SEPTIN11: variants seen among roughly 807,000 people sequenced by gnomAD.
The protein encoded by SEPTIN11 is septin 11, also known as septin-11.
A neutral mutation model predicts 51.4 loss-of-function variants in SEPTIN11; 25 were observed. The ratio of observed to expected loss-of-function variants is 0.49; its 90% CI spans 0.35 to 0.68. The LOEUF (loss-of-function observed/expected upper bound fraction) is 0.68, where lower values mean the gene tolerates loss of function less well. SEPTIN11 is among the 30% of genes least tolerant of loss of function. The pLI is 0.00. For missense variants in SEPTIN11, 381 were observed against 520.8 expected (o/e 0.73, Z 2.61); for synonymous variants, 174 against 184.1 (o/e 0.95, Z 0.44).
intron 9 of SEPTIN11, among the ~76,000 whole-genome samples, chr4:77,033,176 C>A (rs1726788766): frequency 1.3e-5 from 2 of 151,926 alleles, no homozygotes; most frequent in African/African-American, 4.8e-5. Context: ...AAAAATCACA[C>A]CTCTTACTGC....
At chr4:77,038,936 G>A (rs1727217712), downstream of SEPTIN11, 9 of 525,030 alleles carry the variant, frequency 1.7e-5, no homozygotes, top group Admixed American at 8.0e-5. Flanking sequence ...TCACCCTCCC[G>A]TCGAGCTCGA....
chr4:76,970,428 G>A (rs781454274), intron 1 of SEPTIN11, among the ~76,000 whole-genome samples: 1 of 152,282 alleles, frequency 6.6e-6, no homozygotes, highest in South Asian at 2.1e-4. Context: ...TATGTAGAGC[G>A]ACTTAGTCAG....
chr4:77,009,330 T>G (rs1724701432), intron 3 of SEPTIN11, among the ~76,000 whole-genome samples: 1 of 152,112 alleles, frequency 6.6e-6, no homozygotes, highest in Non-Finnish European at 1.5e-5. Context: ...TTGGACATAT[T>G]TAGTTGGAGA....
chr4:76,958,390 C>G lies in SEPTIN11; in HGVS notation c.27+8460C>G, dbSNP rs144351127. Among the ~76,000 whole-genome samples, 181 of 152,326 alleles carry G rather than the reference C, an allele frequency of 1.2e-3. 2 individuals are homozygous for G. In the East Asian group the frequency reaches 0.029, roughly 25 times the overall value. On this transcript the variant is annotated intron_variant, in intron 1 of 9. Transcript: ENST00000264893. ...CCCTCTGGGCCCCAGCCTCAGCCCT[C>G]AGGGGTGATTACTCTACAGTCCCCT... is the stretch of plus-strand genomic sequence containing the variant.
At chr4:77,030,424 C>T (rs1225402178) in intron 8 of SEPTIN11, among the ~76,000 whole-genome samples, 4 of 151,962 alleles carry the variant, frequency 2.6e-5, no homozygotes, top group Non-Finnish European at 4.4e-5. Flanking sequence ...TCTTTTGAGA[C>T]GGAGTCTCTG....
In SEPTIN11 at chr4:77,020,826, T is replaced by A. The variant is rs1338100545; in HGVS notation, c.953+156T>A. 10 of 665,144 alleles carry A rather than the reference T, an allele frequency of 1.5e-5. No individual in the cohort carries two copies. The South Asian group carries it at 2.1e-4, about 14-fold the overall frequency. 41.2% of individuals were successfully genotyped at this position (665,144 alleles called of 1,614,324 possible). On this transcript the variant is annotated intron_variant, in intron 7 of 9. Transcript: ENST00000264893. Reference sequence around the variant, plus strand: ...TGTTGTCAGGCATTGTGATAATTGCTTTATTTGCATTATCTCAACTAACTT... The same window carrying A: ...TGTTGTCAGGCATTGTGATAATTGCATTATTTGCATTATCTCAACTAACTT...
chr4:76,970,182 C>T (rs756441196), intron 1 of SEPTIN11, among the ~76,000 whole-genome samples: 1 of 152,202 alleles, frequency 6.6e-6, no homozygotes, highest in Non-Finnish European at 1.5e-5. Flanking sequence ...TTTCCAGTCT[C>T]TCTATCTAGT....
At position 77,036,629 on chromosome 4, in the gene SEPTIN11, G is replaced by A. The variant is rs529082488; in HGVS notation, c.*2117G>A. 77 of 1,469,932 alleles carry A rather than the reference G, an allele frequency of 5.2e-5. No homozygotes were observed. In the Admixed American group the frequency reaches 2.1e-3, roughly 40 times the overall value. The allele number at this position is 1,469,932 out of a possible 1,614,324, so 91.1% of individuals were successfully genotyped here. ...CATATGGCGAGTCAGGGAATAAAAA[G>A]TCAAAAGAAACAAATAGAAGCTTTT... On this transcript the variant is annotated 3_prime_UTR_variant, in exon 10 of 10. Transcript: ENST00000264893.
intron 9 of SEPTIN11, chr4:77,031,987 C>A (rs1246554952): frequency 6.6e-6 from 1 of 152,118 alleles, no homozygotes; most frequent in African/African-American, 2.4e-5. Flanking sequence ...GAATTACATT[C>A]TTTAAACATA....
At chr4:76,973,393 G>T (rs946972392) in intron 1 of SEPTIN11, among the ~76,000 whole-genome samples, 1 of 152,190 alleles carries the variant, frequency 6.6e-6, no homozygotes, top group Non-Finnish European at 1.5e-5. Flanking sequence ...GTGGCTTGCA[G>T]TGCGTGTGTG....
Position 77,010,459 on chromosome 4 carries a change from T to C in SEPTIN11, c.339-1276T>C, listed in dbSNP as rs556393877. Among the ~76,000 whole-genome samples, 291 of 143,638 alleles carry C rather than the reference T, an allele frequency of 2.0e-3. 2 individuals carry two copies. The highest frequency in any genetic ancestry group is 6.8e-3 in the African/African-American group (272 of 39,742). 94.2% of individuals were successfully genotyped at this position (143,638 alleles called of 152,430 possible). On this transcript the variant is annotated intron_variant, in intron 3 of 9. Coordinates refer to ENST00000264893, the MANE Select transcript of SEPTIN11 (RefSeq NM_018243.4). Reference sequence around the variant, plus strand: ...TATTATTGCTGAGGTACATCCTACCTTTTTTTTTTTTTTAAAGCCTCTAGA... The same window carrying C: ...TATTATTGCTGAGGTACATCCTACCCTTTTTTTTTTTTTAAAGCCTCTAGA...
Position 77,036,568 on chromosome 4 carries a change from AC to A in SEPTIN11, c.*2057del, listed in dbSNP as rs2109992636. The A allele has an allele frequency of 7.0e-7, 1 of 1,419,698 alleles. No individual in the cohort carries two copies. The highest frequency in any genetic ancestry group is 2.6e-5 in the East Asian group (1 of 38,136). The allele number at this position is 1,419,698 out of a possible 1,614,324, so 87.9% of individuals were successfully genotyped here. ...GATTCCAAGATTATTGATTGGATTGACTTTTTTGCATTAAATTTTTCCCAGC... is the reference window on the plus strand; with the variant it reads ...GATTCCAAGATTATTGATTGGATTGATTTTTTGCATTAAATTTTTCCCAGC... On this transcript the variant is annotated 3_prime_UTR_variant, in exon 10 of 10. Transcript: ENST00000264893.
At chr4:76,955,421 G>A (rs1266509393) in intron 1 of SEPTIN11, among the ~76,000 whole-genome samples, 1 of 152,182 alleles carries the variant, frequency 6.6e-6, no homozygotes, top group East Asian at 1.9e-4. Flanking sequence ...GTGAGGGAGA[G>A]ACTCTTAAGA....
At chr4:76,996,205 A>G (rs1723705720) in intron 1 of SEPTIN11, among the ~76,000 whole-genome samples, 1 of 152,198 alleles carries the variant, frequency 6.6e-6, no homozygotes, top group African/African-American at 2.4e-5. Context: ...TGAGATGCTC[A>G]GGGAGATGGT....
intron 9 of SEPTIN11, among the ~76,000 whole-genome samples, chr4:77,033,586 C>T (rs920587423): frequency 6.6e-6 from 1 of 152,208 alleles, no homozygotes; most frequent in African/African-American, 2.4e-5. Flanking sequence ...CACCTTCTGC[C>T]ATCTCTGGCC....
intron 1 of SEPTIN11, chr4:76,959,093 A>T (rs772965320): frequency 4.5e-6 from 3 of 660,020 alleles, no homozygotes; most frequent in Non-Finnish European, 8.7e-6. Context: ...TGTGGCTGAG[A>T]AGTCAACTAC....
chr4:77,028,826 C>CT (rs1726381508), intron 8 of SEPTIN11, 65 bp downstream of exon 8: 8 of 1,508,532 alleles, frequency 5.3e-6, no homozygotes, highest in Middle Eastern at 3.5e-4. Flanking sequence ...ATACATCACG[C>CT]TTTAGAGGAC....
chr4:76,958,784 T>G, intron 1 of SEPTIN11: 1 of 900,814 alleles, frequency 1.1e-6, no homozygotes, highest in African/African-American at 1.7e-5. Context: ...CTTCATACTT[T>G]ATGTTTTTTG....
intron 1 of SEPTIN11, among the ~76,000 whole-genome samples, chr4:76,963,644 G>A (rs958179905): frequency 2.6e-5 from 4 of 152,110 alleles, no homozygotes; most frequent in Non-Finnish European, 5.9e-5. Flanking sequence ...TGGGATAGCT[G>A]TACAACTAAA....
Sources: gnomAD v4.1 joint callset for allele counts (sites outside exome capture counted in the v4.1 genomes callset) on GRCh38, gnomAD v4.1.1 for gene constraint, MANE v1.5 for transcripts, NCBI Gene and HGNC (gene_info 2026-07-23, HGNC 2026-07-21) for gene names.